ARPC1A: variants seen among roughly 807,000 people sequenced by gnomAD.
ARPC1A encodes actin related protein 2/3 complex subunit 1A.
Under a neutral mutation model 46.9 loss-of-function variants are expected in ARPC1A, and 8 were observed. The ratio of observed to expected loss-of-function variants is 0.17; its 90% CI spans 0.10 to 0.31. The LOEUF (loss-of-function observed/expected upper bound fraction) is 0.31, where lower values mean the gene tolerates loss of function less well. ARPC1A is among the 10% of genes least tolerant of loss of function. ARPC1A has a pLI of 1.00. For synonymous variants in ARPC1A, 152 were observed against 169.0 expected (o/e 0.90, Z 0.78); for missense variants, 286 against 483.6 (o/e 0.59, Z 3.83).
chr7:99,335,972 A>AG (rs1793244512), intron 2 of ARPC1A, among the ~76,000 whole-genome samples: 1 of 151,514 alleles, frequency 6.6e-6, no homozygotes, highest in African/African-American at 2.4e-5. Context: ...AAAAAAAAAA[A>AG]GCCTCTGTAT....
intron 1 of ARPC1A, among the ~76,000 whole-genome samples, chr7:99,331,351 C>T (rs758648708): frequency 3.3e-5 from 5 of 151,768 alleles, no homozygotes; most frequent in Non-Finnish European, 5.9e-5. Flanking sequence ...GCATAGATTG[C>T]ACCACTGCCC....
At chr7:99,362,728 C>T (rs182487921) in intron 8 of ARPC1A, among the ~76,000 whole-genome samples, 1 of 151,818 alleles carries the variant, frequency 6.6e-6, no homozygotes. Context: ...TTCCCAGCGT[C>T]GGGGAAGAGG....
chr7:99,345,497 C>T (rs533695564), intron 4 of ARPC1A, among the ~76,000 whole-genome samples: 1 of 151,996 alleles, frequency 6.6e-6, no homozygotes, highest in Non-Finnish European at 1.5e-5. Flanking sequence ...CCCATCTCTA[C>T]TAAAAATACA....
intron 8 of ARPC1A, chr7:99,359,989 G>A (rs1793712615): frequency 5.5e-6 from 3 of 542,642 alleles, no homozygotes; most frequent in Non-Finnish European, 6.6e-6. Flanking sequence ...GCCAGCAGGA[G>A]CAGTGCAGAC....
chr7:99,341,166 G>A (rs1431187094), intron 3 of ARPC1A, among the ~76,000 whole-genome samples: 3 of 151,464 alleles, frequency 2.0e-5, no homozygotes, highest in East Asian at 1.9e-4. Flanking sequence ...AAAATTAGCC[G>A]GGTGTGGTGG....
intron 5 of ARPC1A, among the ~76,000 whole-genome samples, chr7:99,349,445 C>A (rs1010838603): frequency 6.6e-6 from 1 of 152,084 alleles, no homozygotes; most frequent in Non-Finnish European, 1.5e-5. Context: ...TGGCTCACAC[C>A]TGTAATCCCA....
At chr7:99,354,162 G>C (rs1427910605) in intron 6 of ARPC1A, 41 bp downstream of exon 6, 1 of 1,595,572 alleles carries the variant, frequency 6.3e-7, no homozygotes, top group Admixed American at 1.7e-5. Flanking sequence ...GGAACAAGGG[G>C]TGGGATCTCT....
At chr7:99,348,784 A>G (rs927966289) in intron 4 of ARPC1A, 68 bp from the exon 5 acceptor site, 5 of 1,223,596 alleles carry the variant, frequency 4.1e-6, no homozygotes, top group Non-Finnish European at 4.7e-6. Context: ...TTCACCTGAC[A>G]TACATTTGTA....
At chr7:99,348,722 T>A (rs1003658360) in intron 4 of ARPC1A, 130 bp from the exon 5 acceptor site, 3 of 520,082 alleles carry the variant, frequency 5.8e-6, no homozygotes, top group Non-Finnish European at 1.0e-5. Flanking sequence ...TATTCTGAAT[T>A]GTTTTATAAT....
chr7:99,337,326 C>T (rs1793272563), intron 2 of ARPC1A, among the ~76,000 whole-genome samples: 1 of 152,194 alleles, frequency 6.6e-6, no homozygotes, highest in Non-Finnish European at 1.5e-5. Context: ...GAGGCTAAGG[C>T]AGGAGAATCG....
intron 7 of ARPC1A, chr7:99,358,782 C>T: frequency 5.3e-6 from 1 of 187,028 alleles, no homozygotes; most frequent in Non-Finnish European, 1.1e-5. Context: ...TCAGGTGATC[C>T]ACCCACCTTG....
At chr7:99,331,282 C>A (rs1342462095) in intron 1 of ARPC1A, among the ~76,000 whole-genome samples, 1 of 152,124 alleles carries the variant, frequency 6.6e-6, no homozygotes, top group Non-Finnish European at 1.5e-5. Flanking sequence ...GTAGCCACAG[C>A]TACTCAGGAG....
At chr7:99,331,270 T>G (rs548266984) in intron 1 of ARPC1A, among the ~76,000 whole-genome samples, 2 of 152,168 alleles carry the variant, frequency 1.3e-5, no homozygotes, top group East Asian at 3.9e-4. Context: ...TGGTGCATGC[T>G]TGTAGCCACA....
At chr7:99,341,609 C>CA (rs36066986) in intron 3 of ARPC1A, among the ~76,000 whole-genome samples, 952 of 86,980 alleles carry the variant, frequency 0.011, 4 homozygotes, top group Non-Finnish European at 0.017. Context: ...AACTCTGTCT[C>CA]AAAAAAAAAA....
chr7:99,365,183 G>A (rs548922299), intron 9 of ARPC1A, among the ~76,000 whole-genome samples: 1 of 152,084 alleles, frequency 6.6e-6, no homozygotes, highest in Non-Finnish European at 1.5e-5. Flanking sequence ...AGGCGCAGTG[G>A]CTCATGCCTG....
intron 3 of ARPC1A, among the ~76,000 whole-genome samples, chr7:99,339,305 T>C (rs376125900): frequency 1.6e-4 from 25 of 152,132 alleles, no homozygotes; most frequent in African/African-American, 5.1e-4. Context: ...CCCAGCACTT[T>C]GGGAGGCTGA....
At position 99,338,231 on chromosome 7, in the gene ARPC1A, G is replaced by T. The variant is rs562099938; in HGVS notation, c.115G>T (p.Gly39Trp). The T allele has an allele frequency of 6.2e-7, 1 of 1,613,294 alleles. No homozygotes were observed. Among genetic ancestry groups the T allele is most frequent in the Non-Finnish European group, 8.5e-7 (1 of 1,179,714 alleles). Residue 39 changes from glycine (G) to tryptophan (W), a missense_variant, in exon 3 of 10, where the codon GGG becomes TGG. Transcript: ENST00000262942. ...NHEVHIYKKN[G>W]SQWVKAHELK... ...CGAAGTGCACATCTATAAGAAGAAC[G>T]GGAGCCAGTGGGTGAAAGCTCATGA...
intron 6 of ARPC1A, among the ~76,000 whole-genome samples, chr7:99,356,328 G>A (rs1235637981): frequency 1.3e-5 from 2 of 152,186 alleles, no homozygotes; most frequent in East Asian, 3.8e-4. Context: ...CCTCAGGCCG[G>A]GTGCAGTGGC....
chr7:99,333,306 T>C lies in ARPC1A; in HGVS notation c.-29-19T>C. Reference sequence around the variant, plus strand: ...TTTTCCCTATTGTATAAAATGCTTTTTGTTATTGTTCATTGCAGCTTTCTC... The same window carrying C: ...TTTTCCCTATTGTATAAAATGCTTTCTGTTATTGTTCATTGCAGCTTTCTC... On this transcript the variant is annotated intron_variant, in intron 1 of 9. Transcript: ENST00000262942. 6.5e-6 allele frequency: 10 copies of C among 1,528,912 alleles called. No homozygotes were observed. Among genetic ancestry groups the C allele is most frequent in the Non-Finnish European group, 9.0e-6 (10 of 1,105,266 alleles). The allele number at this position is 1,528,912 out of a possible 1,614,324, so 94.7% of individuals were successfully genotyped here.
Sources: gnomAD v4.1 joint callset for allele counts (sites outside exome capture counted in the v4.1 genomes callset) on GRCh38, gnomAD v4.1.1 for gene constraint, MANE v1.5 for transcripts, NCBI Gene and HGNC (gene_info 2026-07-23, HGNC 2026-07-21) for gene names.